Variants in CD37 observed in about 807,000 individuals in gnomAD.
The protein encoded by CD37 is CD37 molecule.
In CD37, 37 loss-of-function variants were observed where a neutral mutation model predicts 38.9. The observed-to-expected ratio is 0.95, with a 90% confidence interval of 0.73 to 1.25. The LOEUF (loss-of-function observed/expected upper bound fraction) is 1.25. CD37 is among the 50% of genes most tolerant of loss of function. The pLI is 0.00. For missense variants in CD37, 351 were observed against 360.1 expected, an observed-to-expected ratio of 0.97 and a Z score of 0.20; for synonymous variants, 146 against 150.1, an observed-to-expected ratio of 0.97 and a Z score of 0.20.
chr19:49,338,591 A>T lies in CD37; in HGVS notation c.448-109A>T. On this transcript the variant is annotated intron_variant, in intron 5 of 7. Transcript: ENST00000323906. The surrounding 1 kb of genome is among the most constrained non-coding windows in gnomAD (Gnocchi z 5.0). ...CACTGTCCCCCACTCCACACCCACC[A>T]CTTAGTCCCCTGCTCCCCGACCTGA... 2 of 769,268 alleles carry T rather than the reference A, an allele frequency of 2.6e-6. No individual in the cohort carries two copies. The highest frequency in any genetic ancestry group is 4.5e-6 in the Non-Finnish European group (2 of 448,630). 47.7% of individuals were successfully genotyped at this position (769,268 alleles called of 1,614,324 possible). A position where few individuals can be genotyped will look rare whatever the true frequency, so the allele number is the denominator to read the frequency against.
rs1279866749 is a variant in CD37 at position 49,339,226 on chromosome 19, C to G, written c.685-104C>G. 3 of 992,782 alleles carry G rather than the reference C, an allele frequency of 3.0e-6. No individual in the cohort carries two copies. The highest frequency in any genetic ancestry group is 1.4e-5 in the South Asian group (1 of 69,446). 61.5% of individuals were successfully genotyped at this position (992,782 alleles called of 1,614,324 possible). A position where few individuals can be genotyped will look rare whatever the true frequency, so the allele number is the denominator to read the frequency against. ...TAGAGTGCCCTGGTGACTAGGGGAG[C>G]GGGTAGATGCCTGAAGACGGTGAGG... On this transcript the variant is annotated intron_variant, in intron 6 of 7. Coordinates refer to ENST00000323906, the MANE Select transcript of CD37 (RefSeq NM_001774.3). The surrounding 1 kb of genome is among the most constrained non-coding windows in gnomAD (Gnocchi z 4.5).
rs1423344032 is a variant in CD37 at position 49,339,342 on chromosome 19, G to A, written c.697G>A (p.Gly233Ser). The A allele has an allele frequency of 5.0e-6, 8 of 1,613,988 alleles. No homozygotes were observed. The East Asian group carries it at 1.6e-4, about 31-fold the overall frequency. The stretch of plus-strand genomic sequence containing the variant: ...CTACACCCCCCAGGGCTGCGCGCAG[G>A]GCCTCCAGAAGTGGCTGCACAACAA... ...SHIYREGCAQ[G>S]LQKWLHNNLI... Residue 233 changes from glycine (G) to serine (S), a missense_variant, in exon 7 of 8, where the codon GGC becomes AGC. Physicochemically the swap from Gly to Ser is moderately conservative, Grantham distance 56 (BLOSUM62 0). Transcript: ENST00000323906. The surrounding 1 kb of genome is among the most constrained non-coding windows in gnomAD (Gnocchi z 4.5).
intron 4 of CD37, 117 bp from the exon 5 acceptor site, chr19:49,337,808 A>G: frequency 6.4e-7 from 1 of 1,562,536 alleles, no homozygotes; most frequent in East Asian, 2.4e-5. Context: ...CTAGCCATTC[A>G]GTAAGGATTT....
At position 49,338,039 on chromosome 19, in the gene CD37, C is replaced by A; in HGVS notation, c.447+10C>A. On this transcript the variant is annotated intron_variant, in intron 5 of 7. Transcript: ENST00000323906. This position sits in a 1 kb window ranked among gnomAD's most constrained non-coding sequence, Gnocchi z 5.0. ...CTATGTGCAGTTCCAGGTAAGCCCC[C>A]CTCCTCCAGTTCCCTCCCGGACTGA... 1 of 1,613,234 alleles carries A rather than the reference C, an allele frequency of 6.2e-7. No homozygotes were observed. Among genetic ancestry groups the A allele is most frequent in the African/African-American group, 1.3e-5 (1 of 75,014 alleles).
intron 7 of CD37, 132 bp from the exon 8 acceptor site, chr19:49,340,119 A>C: frequency 2.6e-6 from 4 of 1,532,770 alleles, no homozygotes; most frequent in South Asian, 1.2e-5. Context: ...GCCCTTTTCT[A>C]CCTATCCCCT....
At position 49,335,529 on chromosome 19, in the gene CD37, C is replaced by G. The variant is rs979071014; in HGVS notation, c.-12C>G. On this transcript the variant is annotated 5_prime_UTR_variant, in exon 1 of 8. Transcript: ENST00000323906. This position sits in a 1 kb window ranked among gnomAD's most constrained non-coding sequence, Gnocchi z 4.6. ...TGTGTGGTGAGTGGACCGCTTACCC[C>G]ACTAGGTGAAGATGTCAGCCCAGGA... The G allele has an allele frequency of 1.2e-6, 2 of 1,610,008 alleles. No individual in the cohort carries two copies. Among genetic ancestry groups the G allele is most frequent in the African/African-American group, 2.7e-5 (2 of 74,832 alleles).
rs771694041 is a variant in CD37 at position 49,337,077 on chromosome 19, C to A, written c.267+44C>A. ...TCCGTCCCTAGGAACACTCCTATCCCCACCCTCAAAAATGGCCTGGGCCGG... is the reference window on the plus strand; with the variant it reads ...TCCGTCCCTAGGAACACTCCTATCCACACCCTCAAAAATGGCCTGGGCCGG... On this transcript the variant is annotated intron_variant, in intron 3 of 7. Coordinates refer to ENST00000323906, the MANE Select transcript of CD37 (RefSeq NM_001774.3). 4 of 1,613,996 alleles carry A rather than the reference C, an allele frequency of 2.5e-6. No individual in the cohort carries two copies. In the Admixed American group the frequency reaches 6.7e-5, roughly 27 times the overall value.
chr19:49,339,646 C>G lies in CD37; in HGVS notation c.768+233C>G. Reference sequence around the variant, plus strand: ...TGCTATTGGCTGCGATCTCCCTCCCCTTTCTCCGCAGATGACTGTCATGGT... The same window carrying G: ...TGCTATTGGCTGCGATCTCCCTCCCGTTTCTCCGCAGATGACTGTCATGGT... On this transcript the variant is annotated intron_variant, in intron 7 of 7. Coordinates refer to ENST00000323906, the MANE Select transcript of CD37 (RefSeq NM_001774.3). The surrounding 1 kb of genome is among the most constrained non-coding windows in gnomAD (Gnocchi z 4.5). 1 of 1,430,440 alleles carries G rather than the reference C, an allele frequency of 7.0e-7. No individual in the cohort carries two copies. Among genetic ancestry groups the G allele is most frequent in the Non-Finnish European group, 9.1e-7 (1 of 1,097,068 alleles). 88.6% of individuals were successfully genotyped at this position (1,430,440 alleles called of 1,614,324 possible).
chr19:49,337,321 G>A lies in CD37; in HGVS notation c.342+100G>A, dbSNP rs1970995032. ...AGAGACCGAAACAAGGGCAGACAGG[G>A]GCTAACCTAGATAAAGAGAAATAAG... On this transcript the variant is annotated intron_variant, in intron 4 of 7. Coordinates refer to ENST00000323906, the MANE Select transcript of CD37 (RefSeq NM_001774.3). 2.6e-6 allele frequency: 3 copies of A among 1,140,706 alleles called. No homozygotes were observed. The East Asian group carries it at 7.1e-5, about 27-fold the overall frequency. 70.7% of individuals were successfully genotyped at this position (1,140,706 alleles called of 1,614,324 possible).
Position 49,338,763 on chromosome 19 carries a change from G to T in CD37, c.511G>T (p.Gly171Trp), listed in dbSNP as rs753327746. 1 of 1,613,624 alleles carries T rather than the reference G, an allele frequency of 6.2e-7. No homozygotes were observed. ...CCAAGTCCTCATCCTGAGAGGTAAC[G>T]GGTCGGAGGCGCACCGCGTGCCCTG... ...WFQVLILRGNGSEAHRVPCSC... is the reference protein window; with the variant it reads ...WFQVLILRGNWSEAHRVPCSC... The change falls in exon 6 of 8, where the codon GGG (glycine) becomes TGG (tryptophan). Residue 171 changes from glycine (G) to tryptophan (W), a missense_variant. Transcript: ENST00000323906. This position sits in a 1 kb window ranked among gnomAD's most constrained non-coding sequence, Gnocchi z 5.0.
rs150820452 is a variant in CD37 at position 49,336,915 on chromosome 19, C to G, written c.149C>G (p.Ala50Gly). Residue 50 changes from alanine to glycine, a missense_variant, in exon 3 of 8, where the codon GCC becomes GGC. Physicochemically the swap from Ala to Gly is moderately conservative, Grantham distance 60 (BLOSUM62 0). Coordinates refer to ENST00000323906, the MANE Select transcript of CD37 (RefSeq NM_001774.3). ...CTCCCCTCACCTCTCCCAGGCTTGG[C>G]CTTCGTGCCTCTGCAGATCTGGTCC... is the stretch of plus-strand genomic sequence containing the variant. ...KTSFVSFVGL[A>G]FVPLQIWSKV... 1.2e-6 allele frequency: 2 copies of G among 1,613,988 alleles called. No homozygotes were observed. Among genetic ancestry groups the G allele is most frequent in the African/African-American group, 2.7e-5 (2 of 74,930 alleles).
At position 49,335,527 on chromosome 19, in the gene CD37, C is replaced by T. The variant is rs1369039460; in HGVS notation, c.-14C>T. On this transcript the variant is annotated 5_prime_UTR_variant, in exon 1 of 8. Coordinates refer to ENST00000323906, the MANE Select transcript of CD37 (RefSeq NM_001774.3). This position sits in a 1 kb window ranked among gnomAD's most constrained non-coding sequence, Gnocchi z 4.6. ...TCTGTGTGGTGAGTGGACCGCTTACCCCACTAGGTGAAGATGTCAGCCCAG... is the reference window on the plus strand; with the variant it reads ...TCTGTGTGGTGAGTGGACCGCTTACTCCACTAGGTGAAGATGTCAGCCCAG... The T allele has an allele frequency of 1.2e-6, 2 of 1,607,000 alleles. No homozygotes were observed. The highest frequency in any genetic ancestry group is 2.2e-5 in the East Asian group (1 of 44,848).
rs765540004 is a variant in CD37, at chr19:49,340,350, C to T, written c.*22C>T. On this transcript the variant is annotated 3_prime_UTR_variant, in exon 8 of 8. Transcript: ENST00000323906. ...TTAGGCCCCGCCCTCCCCAAAGTCC[C>T]GCCCCGCCCCCGTCACGTGCGCTGG... 2 of 1,521,918 alleles carry T rather than the reference C, an allele frequency of 1.3e-6. No homozygotes were observed. 94.3% of individuals were successfully genotyped at this position (1,521,918 alleles called of 1,614,324 possible). A position where few individuals can be genotyped will look rare whatever the true frequency, so the allele number is the denominator to read the frequency against.
At chr19:49,340,142 T>A (rs1453768777) in intron 7 of CD37, 109 bp from the exon 8 acceptor site, 47 of 1,515,062 alleles carry the variant, frequency 3.1e-5, no homozygotes, top group East Asian at 4.7e-5. Context: ...TCCAGCCCCT[T>A]CCCGCCCAAT....
In CD37 at chr19:49,335,520, C is replaced by A. The variant is rs139751919; in HGVS notation, c.-21C>A. ...CACCTCTTCTGTGTGGTGAGTGGAC[C>A]GCTTACCCCACTAGGTGAAGATGTC... On this transcript the variant is annotated 5_prime_UTR_variant, in exon 1 of 8. Transcript: ENST00000323906. The surrounding 1 kb of genome is among the most constrained non-coding windows in gnomAD (Gnocchi z 4.6). The A allele has an allele frequency of 6.3e-7, 1 of 1,596,644 alleles. No individual in the cohort carries two copies. Among genetic ancestry groups the A allele is most frequent in the Non-Finnish European group, 8.6e-7 (1 of 1,164,070 alleles).
At position 49,335,529 on chromosome 19, in the gene CD37, C is replaced by T; in HGVS notation, c.-12C>T. On this transcript the variant is annotated 5_prime_UTR_variant, in exon 1 of 8. Transcript: ENST00000323906. The surrounding 1 kb of genome is among the most constrained non-coding windows in gnomAD (Gnocchi z 4.6). Reference sequence around the variant, plus strand: ...TGTGTGGTGAGTGGACCGCTTACCCCACTAGGTGAAGATGTCAGCCCAGGA... The same window carrying T: ...TGTGTGGTGAGTGGACCGCTTACCCTACTAGGTGAAGATGTCAGCCCAGGA... 8 of 1,610,126 alleles carry T rather than the reference C, an allele frequency of 5.0e-6. No homozygotes were observed. Among genetic ancestry groups the T allele is most frequent in the Non-Finnish European group, 6.0e-6 (7 of 1,176,372 alleles).
At chr19:49,340,021 G>A (rs767616108) in intron 7 of CD37, 1 of 1,473,880 alleles carries the variant, frequency 6.8e-7, no homozygotes. Context: ...GCTTGCTTCC[G>A]ACCTTACTCC....
rs149567989 is a variant in CD37, at chr19:49,336,964, C to G, written c.198C>G (p.Ile66Met). 2.5e-6 allele frequency: 4 copies of G among 1,614,102 alleles called. No homozygotes were observed. In the African/African-American group the frequency reaches 5.3e-5, roughly 22 times the overall value. ...CCAAAGTCCTGGCCATCTCAGGAAT[C>G]TTCACCATGGGCATCGCCCTCCTGG... Reference protein sequence around the residue: ...IWSKVLAISGIFTMGIALLGC... With the variant: ...IWSKVLAISGMFTMGIALLGC... Residue 66 changes from isoleucine (I) to methionine (M), a missense_variant, in exon 3 of 8, where the codon ATC becomes ATG. Physicochemically the swap from Ile to Met is conservative, Grantham distance 10. Transcript: ENST00000323906.
In CD37 at chr19:49,338,102, A is replaced by G. The variant is rs564819698; in HGVS notation, c.447+73A>G. On this transcript the variant is annotated intron_variant, in intron 5 of 7. Transcript: ENST00000323906. This position sits in a 1 kb window ranked among gnomAD's most constrained non-coding sequence, Gnocchi z 5.0. ...CTGTGCTTGGAGGAGACTCCACCCC[A>G]ACGTGGGCCCGACCCCCAGCTCTAC... The G allele has an allele frequency of 1.9e-6, 3 of 1,563,104 alleles. No homozygotes were observed. In the East Asian group the frequency reaches 7.0e-5, roughly 37 times the overall value.
Sources: allele counts gnomAD v4.1 joint callset, GRCh38; gene constraint gnomAD v4.1.1; non-coding constraint Gnocchi (gnomAD v3.1); transcripts MANE v1.5; gene names NCBI Gene and HGNC (gene_info 2026-07-23, HGNC 2026-07-21).